The following SLC39A12 variants were observed in gnomAD, a reference collection of about 807,000 sequenced individuals.
SLC39A12 encodes zinc transporter ZIP12.
SLC39A12 carries 63 observed loss-of-function variants against 71.1 expected under a neutral mutation model. The observed-to-expected ratio is 0.89, with a 90% CI of 0.72 to 1.09. SLC39A12 has a LOEUF of 1.09. Ranked by LOEUF, SLC39A12 falls within the 50% of genes least tolerant of loss-of-function variation. The pLI, the probability that SLC39A12 is intolerant of heterozygous loss-of-function variation, is 0.00. For missense variants in SLC39A12, 892 were observed against 812.6 expected, an observed-to-expected ratio of 1.10 and a Z score of -1.19; for synonymous variants, 351 against 301.3, an observed-to-expected ratio of 1.16 and a Z score of -1.71.
At chr10:17,961,196 C>G (rs1554848343) in intron 2 of SLC39A12, among the ~76,000 whole-genome samples, 3 of 152,040 alleles carry the variant, frequency 2.0e-5, no homozygotes. Context: ...AGATGCTGGA[C>G]CAAGGCTAAG....
At chr10:17,961,227 A>G (rs1834680300) in intron 2 of SLC39A12, among the ~76,000 whole-genome samples, 1 of 152,234 alleles carries the variant, frequency 6.6e-6, no homozygotes, top group Non-Finnish European at 1.5e-5. Context: ...AGGGTAGAGT[A>G]GACAGGAGCT....
At chr10:18,030,396 C>T (rs765235633) in intron 12 of SLC39A12, among the ~76,000 whole-genome samples, 74 of 151,838 alleles carry the variant, frequency 4.9e-4, no homozygotes, top group Non-Finnish European at 5.9e-4. Flanking sequence ...CACCACCACA[C>T]CCAGCCAATT....
chr10:18,012,099 C>T (rs1017046289), intron 12 of SLC39A12, among the ~76,000 whole-genome samples: 1 of 152,006 alleles, frequency 6.6e-6, no homozygotes, highest in Non-Finnish European at 1.5e-5. Flanking sequence ...GGGAACAAAC[C>T]GCCTGATTTC....
intron 2 of SLC39A12, among the ~76,000 whole-genome samples, chr10:17,960,710 T>C (rs577078595): frequency 1.3e-5 from 2 of 152,328 alleles, no homozygotes; most frequent in East Asian, 3.9e-4. Context: ...AATTGTGCTG[T>C]CCAGCACAGT....
chr10:17,991,658 C>T (rs1289769115), intron 8 of SLC39A12, among the ~76,000 whole-genome samples: 1 of 149,376 alleles, frequency 6.7e-6, no homozygotes, highest in Admixed American at 6.6e-5. Context: ...TTTGAAAACT[C>T]ACAAAATCAC....
chr10:17,964,057 C>G (rs940262255), intron 3 of SLC39A12, among the ~76,000 whole-genome samples: 1 of 152,156 alleles, frequency 6.6e-6, no homozygotes, highest in Non-Finnish European at 1.5e-5. Context: ...CCTAGTGTTC[C>G]CGTAGCCCTG....
intron 4 of SLC39A12, among the ~76,000 whole-genome samples, chr10:17,967,896 AAAAT>A (rs796449560): frequency 0.1 from 12,374 of 124,358 alleles, 644 homozygotes; most frequent in South Asian, 0.13. Flanking sequence ...CAAAAAAAAA[AAAAT>A]ATATATATAT....
At chr10:18,010,139 T>A (rs1354083496) in intron 12 of SLC39A12, among the ~76,000 whole-genome samples, 2 of 152,200 alleles carry the variant, frequency 1.3e-5, no homozygotes, top group Admixed American at 6.5e-5. Context: ...AGTCTTTCTT[T>A]ATCAGAGAAA....
intron 6 of SLC39A12, among the ~76,000 whole-genome samples, chr10:17,985,243 T>G (rs1249587852): frequency 6.6e-6 from 1 of 152,132 alleles, no homozygotes; most frequent in Non-Finnish European, 1.5e-5. Flanking sequence ...CGCAGGAGGC[T>G]GAAGCAGGAG....
At chr10:17,995,816 T>C in intron 10 of SLC39A12, 94 bp downstream of exon 10, 2 of 1,095,322 alleles carry the variant, frequency 1.8e-6, no homozygotes, top group Non-Finnish European at 2.7e-6. Flanking sequence ...ATAGATATCA[T>C]ATTGGGTATG....
At chr10:18,029,330 A>G (rs1406861606) in intron 12 of SLC39A12, among the ~76,000 whole-genome samples, 1 of 152,180 alleles carries the variant, frequency 6.6e-6, no homozygotes, top group Non-Finnish European at 1.5e-5. Flanking sequence ...GGAATTTCTT[A>G]CCTGTGCCAT....
At position 17,987,578 on chromosome 10, in the gene SLC39A12, T is replaced by A. The variant is rs745409113; in HGVS notation, c.1196T>A (p.Leu399His). 9 of 1,614,028 alleles carry A rather than the reference T, an allele frequency of 5.6e-6. No individual in the cohort carries two copies. In the South Asian group the frequency reaches 9.9e-5, roughly 18 times the overall value. The part of the protein sequence containing the change: ...LFHSCEENYR[L>H]ILQLFVGLAV... Reference sequence around the variant, plus strand: ...CATAGCTGTGAGGAGAACTACAGGCTTATCTTACAGCTGTTTGTGGGCTTG... The same window carrying A: ...CATAGCTGTGAGGAGAACTACAGGCATATCTTACAGCTGTTTGTGGGCTTG... The change falls in exon 7 of 13, where the codon CTT becomes CAT. Residue 399 changes from leucine (L) to histidine (H), a missense_variant. Leu to His is a moderately conservative substitution (Grantham distance 99, BLOSUM62 -3). Transcript: ENST00000377369.
Position 17,953,309 on chromosome 10 carries a change from G to C in SLC39A12, c.33G>C (p.Trp11Cys). Residue 11 changes from tryptophan to cysteine, a missense_variant, in exon 2 of 13, where the codon TGG (tryptophan) becomes TGC (cysteine). Transcript: ENST00000377369. MCFRTKLSVS[W>C]VPLFLLLSRV... is the part of the protein sequence containing the mutation. Reference sequence around the variant, plus strand: ...TCCGGACAAAGCTCTCAGTATCCTGGGTGCCATTGTTTCTTCTACTCAGCC... The same window carrying C: ...TCCGGACAAAGCTCTCAGTATCCTGCGTGCCATTGTTTCTTCTACTCAGCC... 1 of 1,614,144 alleles carries C rather than the reference G, an allele frequency of 6.2e-7. No homozygotes were observed. The highest frequency in any genetic ancestry group is 1.1e-5 in the South Asian group (1 of 91,078).
intron 4 of SLC39A12, among the ~76,000 whole-genome samples, chr10:17,967,351 T>C (rs1342965228): frequency 1.3e-5 from 2 of 152,206 alleles, no homozygotes; most frequent in Non-Finnish European, 2.9e-5. Context: ...TAAAAGCTAT[T>C]GATGATAGTT....
intron 12 of SLC39A12, among the ~76,000 whole-genome samples, chr10:18,036,794 A>ATTTTTTTTTTT (rs746691202): frequency 6.5e-5 from 6 of 92,860 alleles, no homozygotes; most frequent in African/African-American, 2.2e-4. Flanking sequence ...ATATATATAT[A>ATTTTTTTTTTT]TTTTTTTTTT....
intron 2 of SLC39A12, among the ~76,000 whole-genome samples, chr10:17,954,504 G>T (rs142465861): frequency 6.6e-6 from 1 of 151,910 alleles, no homozygotes; most frequent in Non-Finnish European, 1.5e-5. Flanking sequence ...TCTGCCTGCC[G>T]CCACCTCCCA....
At chr10:18,016,060 A>G (rs769893756) in intron 12 of SLC39A12, among the ~76,000 whole-genome samples, 2 of 152,184 alleles carry the variant, frequency 1.3e-5, no homozygotes, top group Non-Finnish European at 2.9e-5. Flanking sequence ...CTCAAAGTCC[A>G]TAGTTTACAT....
At chr10:18,038,238 A>C (rs1446822930) in intron 12 of SLC39A12, among the ~76,000 whole-genome samples, 1 of 152,070 alleles carries the variant, frequency 6.6e-6, no homozygotes, top group Non-Finnish European at 1.5e-5. Flanking sequence ...AAGAATTCTT[A>C]ATTTTCTCAC....
chr10:18,027,260 C>A (rs970966981), intron 12 of SLC39A12, among the ~76,000 whole-genome samples: 2 of 152,186 alleles, frequency 1.3e-5, no homozygotes, highest in Non-Finnish European at 2.9e-5. Flanking sequence ...TCCCTTCCCT[C>A]AAGTAAGACA....
Sources: allele counts gnomAD v4.1 joint callset (sites outside exome capture counted in the v4.1 genomes callset), GRCh38; gene constraint gnomAD v4.1.1; transcripts MANE v1.5; gene names NCBI Gene and HGNC (gene_info 2026-07-23, HGNC 2026-07-21).